PDXP: variants seen among roughly 807,000 people sequenced by gnomAD.
PDXP encodes the protein chronophin.
Under a neutral mutation model 14.4 loss-of-function variants are expected in PDXP, and 15 were observed. That is an observed-to-expected ratio of 1.04 (90% CI 0.70 to 1.60). PDXP has a LOEUF of 1.60. Among genes scored for constraint, PDXP ranks in the 40% most tolerant of loss-of-function variants. The pLI is 0.00. For missense variants in PDXP, 413 were observed against 427.6 expected (o/e 0.97, Z 0.30); for synonymous variants, 233 against 205.6 (o/e 1.13, Z -1.14).
In PDXP at chr22:37,665,833, G is replaced by C; in HGVS notation, c.853G>C (p.Glu285Gln). 1 of 1,613,984 alleles carries C rather than the reference G, an allele frequency of 6.2e-7. No individual in the cohort carries two copies. The highest frequency in any genetic ancestry group is 8.5e-7 in the Non-Finnish European group (1 of 1,180,022). Residue 285 changes from glutamate (E) to glutamine (Q), a missense_variant, in exon 2 of 2, where the codon GAG becomes CAG. Physicochemically the swap from Glu to Gln is conservative, Grantham distance 29. Coordinates refer to ENST00000215904, the MANE Select transcript of PDXP (RefSeq NM_020315.5). The part of the protein sequence containing the change: ...QHDLVPHYYV[E>Q]SIADLTEGLE... ...CGACCTCGTGCCCCATTACTATGTGGAGAGCATCGCAGACTTGACAGAGGG... is the reference window on the plus strand; with the variant it reads ...CGACCTCGTGCCCCATTACTATGTGCAGAGCATCGCAGACTTGACAGAGGG...
chr22:37,658,827 G>C lies in PDXP; in HGVS notation c.45G>C (p.Val15=), dbSNP rs1933133725. The C allele has an allele frequency of 1.7e-6, 2 of 1,189,674 alleles. No individual in the cohort carries two copies. The highest frequency in any genetic ancestry group is 1.0e-6 in the Non-Finnish European group (1 of 960,454). 73.7% of individuals were successfully genotyped at this position (1,189,674 alleles called of 1,614,324 possible). ...TGCGCGGAGCGGCCCTGCGCGACGTGCTGGGCCGGGCGCAGGGGGTCCTGT... is the reference window on the plus strand; with the variant it reads ...TGCGCGGAGCGGCCCTGCGCGACGTCCTGGGCCGGGCGCAGGGGGTCCTGT... ...ERLRGAALRD[V]LGRAQGVLFD... Residue 15 remains valine (V), a synonymous_variant, in exon 1 of 2, where the codon GTG becomes GTC. Coordinates refer to ENST00000215904, the MANE Select transcript of PDXP (RefSeq NM_020315.5).
chr22:37,665,415 T>G, intron 1 of PDXP, 140 bp from the exon 2 acceptor site: 1 of 656,174 alleles, frequency 1.5e-6, no homozygotes, highest in South Asian at 1.9e-5. Context: ...ACCACTACAG[T>G]GAGACTCGGA....
chr22:37,664,910 G>T (rs974980950), intron 1 of PDXP: 17 of 152,774 alleles, frequency 1.1e-4, no homozygotes, highest in African/African-American at 4.1e-4. Flanking sequence ...CTCTTCTTGT[G>T]ATCACTTTCC....
At chr22:37,660,640 G>A (rs1933184227) in intron 1 of PDXP, among the ~76,000 whole-genome samples, 1 of 152,226 alleles carries the variant, frequency 6.6e-6, no homozygotes, top group Non-Finnish European at 1.5e-5. Flanking sequence ...AGCCCAGTCA[G>A]TATACTGGGG....
At position 37,665,921 on chromosome 22, in the gene PDXP, C is replaced by T. The variant is rs568107412; in HGVS notation, c.*50C>T. On this transcript the variant is annotated 3_prime_UTR_variant, in exon 2 of 2. Transcript: ENST00000215904. ...CCCACCCCTCCCCACTCCCTGATCC[C>T]GTAGGTGGAGGCGATGGGTCACGAG... 20 of 1,548,204 alleles carry T rather than the reference C, an allele frequency of 1.3e-5. No homozygotes were observed. The highest frequency in any genetic ancestry group is 3.4e-5 in the Admixed American group (2 of 57,996).
chr22:37,663,088 C>T (rs1283956321), intron 1 of PDXP, among the ~76,000 whole-genome samples: 1 of 151,846 alleles, frequency 6.6e-6, no homozygotes, highest in Non-Finnish European at 1.5e-5. Flanking sequence ...ATCACGAGGT[C>T]AGGAGATCAA....
chr22:37,666,318 A>G lies in PDXP; in HGVS notation c.*447A>G, dbSNP rs1475842686. 1.9e-5 allele frequency: 4 copies of G among 213,552 alleles called. No homozygotes were observed. In the East Asian group the frequency reaches 3.6e-4, roughly 19 times the overall value. The allele number at this position is 213,552 out of a possible 1,614,324, so 13.2% of individuals were successfully genotyped here. A position where few individuals can be genotyped will look rare whatever the true frequency, so the allele number is the denominator to read the frequency against. ...AACCCTTATTGTCCTGGGTGGACCA[A>G]TCCAAAGGCTAAGTGATAGTGACTC... On this transcript the variant is annotated 3_prime_UTR_variant, in exon 2 of 2. Transcript: ENST00000215904.
intron 1 of PDXP, among the ~76,000 whole-genome samples, chr22:37,663,218 G>A (rs548546267): frequency 1.1e-4 from 16 of 151,418 alleles, no homozygotes; most frequent in Non-Finnish European, 1.5e-4. Flanking sequence ...GCAGGAGAAC[G>A]GCATGAACCC....
At chr22:37,660,816 C>G (rs1933187783) in intron 1 of PDXP, among the ~76,000 whole-genome samples, 1 of 152,126 alleles carries the variant, frequency 6.6e-6, no homozygotes, top group South Asian at 2.1e-4. Context: ...GGAAGACTTC[C>G]TGGAGGAGGC....
chr22:37,660,409 C>T lies in PDXP; in HGVS notation c.574+1053C>T, dbSNP rs564301811. ...CAATGATGGGTGGGGCAGAATTCTG[C>T]CAGCAACTCTCTGGCAGAGTGATAG... On this transcript the variant is annotated intron_variant, in intron 1 of 1. Coordinates refer to ENST00000215904, the MANE Select transcript of PDXP (RefSeq NM_020315.5). Among the ~76,000 whole-genome samples the T allele has an allele frequency of 1.3e-3, 198 of 152,308 alleles. 1 individual carries two copies. The highest frequency in any genetic ancestry group is 2.0e-3 in the Non-Finnish European group (133 of 68,024).
At chr22:37,661,966 G>C (rs1286047358) in intron 1 of PDXP, among the ~76,000 whole-genome samples, 2 of 85,238 alleles carry the variant, frequency 2.3e-5, no homozygotes, top group East Asian at 7.9e-4. Flanking sequence ...TTTTGAGACA[G>C]AGTCTTGCTC....
At chr22:37,661,917 A>ATTTTTTTAT (rs1933212380) in intron 1 of PDXP, among the ~76,000 whole-genome samples, 9 of 71,190 alleles carry the variant, frequency 1.3e-4, no homozygotes, top group African/African-American at 3.6e-4. Flanking sequence ...TTTTTCTTTA[A>ATTTTTTTAT]TTTTTTTTTT....
At chr22:37,663,601 G>A (rs1261916394) in intron 1 of PDXP, among the ~76,000 whole-genome samples, 5 of 152,036 alleles carry the variant, frequency 3.3e-5, no homozygotes, top group Non-Finnish European at 7.4e-5. Flanking sequence ...GAGAGGGAGT[G>A]ACAGAGATCT....
rs1921047930 is a variant in PDXP, at chr22:37,665,628, C to T, written c.648C>T (p.Pro216=). The change falls in exon 2 of 2, where the codon CCC becomes CCT. Residue 216 remains proline, a synonymous_variant. Transcript: ENST00000215904. ...RQALVVGKPS[P]YMFECITENF... ...CCCTGGTGGTGGGCAAGCCCAGCCC[C>T]TACATGTTCGAGTGCATCACGGAGA... The T allele has an allele frequency of 1.9e-6, 3 of 1,613,806 alleles. No individual in the cohort carries two copies. Among genetic ancestry groups the T allele is most frequent in the Non-Finnish European group, 2.5e-6 (3 of 1,180,016 alleles).
chr22:37,665,750 C>T lies in PDXP; in HGVS notation c.770C>T (p.Thr257Met), dbSNP rs750098785. The T allele has an allele frequency of 1.1e-5, 18 of 1,613,996 alleles. No individual in the cohort carries two copies. Among genetic ancestry groups the T allele is most frequent in the South Asian group, 5.5e-5 (5 of 91,092 alleles). Reference protein sequence around the residue: ...GHRCGMTTVLTLTGVSRLEEA... With the variant: ...GHRCGMTTVLMLTGVSRLEEA... ...CGCTGCGGCATGACCACTGTGCTCA[C>T]GCTCACAGGAGTCTCCCGCCTAGAA... Residue 257 changes from threonine (T) to methionine (M), a missense_variant, in exon 2 of 2, where the codon ACG becomes ATG. Thr to Met is a moderately conservative substitution (Grantham distance 81). Coordinates refer to ENST00000215904, the MANE Select transcript of PDXP (RefSeq NM_020315.5).
At chr22:37,659,417 C>T (rs1448404010) in intron 1 of PDXP, 61 bp downstream of exon 1, 1 of 1,210,126 alleles carries the variant, frequency 8.3e-7, no homozygotes, top group Admixed American at 3.3e-5. Flanking sequence ...GCCTCCACGC[C>T]TAAGGGTGAG....
intron 1 of PDXP, among the ~76,000 whole-genome samples, chr22:37,665,327 CAGAG>C (rs2146091937): frequency 6.6e-6 from 1 of 152,154 alleles, no homozygotes; most frequent in East Asian, 1.9e-4. Flanking sequence ...AACCAAGGCA[CAGAG>C]AGGTTAGCTA....
In PDXP at chr22:37,659,034, G is replaced by T; in HGVS notation, c.252G>T (p.Gln84His). The T allele has an allele frequency of 8.6e-7, 1 of 1,163,696 alleles. No homozygotes were observed. The highest frequency in any genetic ancestry group is 1.1e-6 in the Non-Finnish European group (1 of 942,382). The allele number at this position is 1,163,696 out of a possible 1,614,324, so 72.1% of individuals were successfully genotyped here. Residue 84 changes from glutamine to histidine, a missense_variant, in exon 1 of 2, where the codon CAG (glutamine) becomes CAT (histidine). Gln to His is a conservative substitution (Grantham distance 24). Transcript: ENST00000215904. ...RLGFGGLRAE[Q>H]LFSSALCAAR... ...GCTTCGGGGGGCTGCGCGCCGAGCA[G>T]CTCTTCAGCTCCGCGCTGTGCGCCG...
chr22:37,664,375 A>G (rs1227957919), intron 1 of PDXP, among the ~76,000 whole-genome samples: 1 of 152,166 alleles, frequency 6.6e-6, no homozygotes, highest in Non-Finnish European at 1.5e-5. Flanking sequence ...GATTACAGGC[A>G]TGGGCCACTG....
Sources: gnomAD v4.1 joint callset for allele counts (sites outside exome capture counted in the v4.1 genomes callset) on GRCh38, gnomAD v4.1.1 for gene constraint, MANE v1.5 for transcripts, NCBI Gene and HGNC (gene_info 2026-07-23, HGNC 2026-07-21) for gene names.